Variants in CLDN16 observed in about 807,000 individuals in gnomAD.
CLDN16 encodes claudin 16.
CLDN16 carries 13 observed loss-of-function variants against 24.6 expected under a neutral mutation model. The observed-to-expected ratio is 0.53, with a 90% CI of 0.34 to 0.84. The LOEUF (loss-of-function observed/expected upper bound fraction) is 0.84, where lower values mean the gene tolerates loss of function less well. Among genes scored for constraint, CLDN16 ranks in the 40% least tolerant of loss-of-function variants. The pLI is 0.01. For synonymous variants in CLDN16, 116 were observed against 106.7 expected (o/e 1.09, Z -0.54); for missense variants, 298 against 292.7 (o/e 1.02, Z -0.13).
chr3:190,359,426 A>G (rs936784501), intron 1 of CLDN16, among the ~76,000 whole-genome samples: 2 of 152,064 alleles, frequency 1.3e-5, no homozygotes, highest in African/African-American at 2.4e-5. Context: ...ATTGAATTAA[A>G]TGAGTGGAAT....
At chr3:190,382,972 C>T (rs1432797522) in intron 3 of CLDN16, among the ~76,000 whole-genome samples, 1 of 152,036 alleles carries the variant, frequency 6.6e-6, no homozygotes, top group Non-Finnish European at 1.5e-5. Context: ...CACTAGACTT[C>T]CAGTGCAACA....
At chr3:190,335,219 T>G (rs1577399299) in intron 1 of CLDN16, among the ~76,000 whole-genome samples, 1 of 151,774 alleles carries the variant, frequency 6.6e-6, no homozygotes, top group South Asian at 2.1e-4. Context: ...AATTTTTGTA[T>G]TTTTAGTAGG....
At chr3:190,403,517 G>A (rs1719013447) in intron 2 of CLDN16, among the ~76,000 whole-genome samples, 1 of 152,122 alleles carries the variant, frequency 6.6e-6, no homozygotes. Flanking sequence ...TGTTATGAAA[G>A]CAAAGTGGTT....
intron 2 of CLDN16, among the ~76,000 whole-genome samples, chr3:190,403,711 C>T (rs181633873): frequency 8.0e-4 from 122 of 152,216 alleles, no homozygotes; most frequent in African/African-American, 2.8e-3. Context: ...AAGTTGGGTG[C>T]GTGGAACATT....
At chr3:190,358,392 T>C (rs1469224598) in intron 1 of CLDN16, among the ~76,000 whole-genome samples, 1 of 151,958 alleles carries the variant, frequency 6.6e-6, no homozygotes, top group Non-Finnish European at 1.5e-5. Context: ...TCAGCAGCTT[T>C]CAAGTACGAA....
chr3:190,380,257 T>TTCCTTCCTTC (rs1330460824), intron 3 of CLDN16, among the ~76,000 whole-genome samples: 90 of 14,548 alleles, frequency 6.2e-3, no homozygotes, highest in African/African-American at 9.1e-3. Context: ...TTCCTTCCTT[T>TTCCTTCCTTC]CTTCCTTCCT....
At chr3:190,368,729 C>A (rs113705770) in intron 1 of CLDN16, among the ~76,000 whole-genome samples, 1,619 of 152,028 alleles carry the variant, frequency 0.011, 16 homozygotes, top group Non-Finnish European at 0.018. Flanking sequence ...TCTGTCAGGA[C>A]AAGGAAAACC....
chr3:190,409,271 T>TATATGCATGTATATATGCACACAC lies in CLDN16; in HGVS notation c.575-632_575-631insATATGCATGTATATATGCACACAC, dbSNP rs1187387922. Among the ~76,000 whole-genome samples, 325 of 94,186 alleles carry TATATGCATGTATATATGCACACAC rather than the reference T, an allele frequency of 3.5e-3. 3 individuals are homozygous for TATATGCATGTATATATGCACACAC. The highest frequency in any genetic ancestry group is 8.8e-3 in the African/African-American group (257 of 29,236). 61.8% of individuals were successfully genotyped at this position (94,186 alleles called of 152,430 possible). On this transcript the variant is annotated intron_variant, in intron 4 of 4. Transcript: ENST00000264734. ...GTATATGCATGTATATATGCACACATGTATATGTATGTATATATGCACACA... is the reference window on the plus strand; with the variant it reads ...GTATATGCATGTATATATGCACACATATATGCATGTATATATGCACACACGTATATGTATGTATATATGCACACA...
intron 1 of CLDN16, among the ~76,000 whole-genome samples, chr3:190,394,785 C>G (rs1048458971): frequency 1.3e-5 from 2 of 152,030 alleles, no homozygotes; most frequent in Non-Finnish European, 2.9e-5. Context: ...AGAAGTATGT[C>G]TGTAATGAAA....
the CLDN16 span, among the ~76,000 whole-genome samples, chr3:190,294,861 A>G: frequency 6.6e-6 from 1 of 152,160 alleles, no homozygotes; most frequent in Non-Finnish European, 1.5e-5. Context: ...GTAAGAAAGT[A>G]ATAAATATGA....
intron 1 of CLDN16, among the ~76,000 whole-genome samples, chr3:190,359,440 G>A (rs1717842220): frequency 1.3e-5 from 2 of 152,024 alleles, no homozygotes; most frequent in Admixed American, 1.3e-4. Flanking sequence ...GTGGAATCCA[G>A]TGCAGCTTTA....
chr3:190,385,321 G>A (rs9871878), upstream of CLDN16, among the ~76,000 whole-genome samples: 28,271 of 152,098 alleles, frequency 0.19, 3,061 homozygotes, highest in Middle Eastern at 0.29. Flanking sequence ...TTTCTTAGAA[G>A]TGCACTCACA....
intron 1 of CLDN16, among the ~76,000 whole-genome samples, chr3:190,394,706 C>A (rs745589310): frequency 2.0e-5 from 3 of 152,016 alleles, no homozygotes; most frequent in Non-Finnish European, 4.4e-5. Context: ...ACTTAGCATA[C>A]CTGTTGAAAG....
At chr3:190,379,674 G>T (rs554784600) in intron 3 of CLDN16, among the ~76,000 whole-genome samples, 2 of 152,156 alleles carry the variant, frequency 1.3e-5, no homozygotes, top group South Asian at 4.2e-4. Context: ...GCAAAAGAAA[G>T]CATCCCTGCT....
upstream of CLDN16, chr3:190,388,068 C>T (rs1718549439): frequency 6.5e-7 from 1 of 1,549,354 alleles, no homozygotes; most frequent in African/African-American, 1.4e-5. Flanking sequence ...CCGAAACACA[C>T]TCAGCCCTTG....
intron 1 of CLDN16, among the ~76,000 whole-genome samples, chr3:190,399,369 T>C (rs1377163234): frequency 6.7e-6 from 1 of 150,276 alleles, no homozygotes; most frequent in Non-Finnish European, 1.5e-5. Flanking sequence ...AAAAGTAGCC[T>C]GGCGTGGTGG....
chr3:190,331,916 C>T lies in CLDN16; in HGVS notation n.121+9255C>T, dbSNP rs564527983. Among the ~76,000 whole-genome samples the T allele has an allele frequency of 2.2e-4, 34 of 152,314 alleles. No homozygotes were observed. The South Asian group carries it at 7.1e-3, about 32-fold the overall frequency. Reference sequence around the variant, plus strand: ...GTACATTCTAGAGGGATCTATATCCCTTGGCTCATGGCCATCTTCCTCCGT... The same window carrying T: ...GTACATTCTAGAGGGATCTATATCCTTTGGCTCATGGCCATCTTCCTCCGT... On this transcript the variant is annotated intron_variant and non_coding_transcript_variant, in intron 1 of 4. Transcript: ENST00000468220.
At chr3:190,343,070 G>A (rs973646593) in intron 1 of CLDN16, among the ~76,000 whole-genome samples, 7 of 152,064 alleles carry the variant, frequency 4.6e-5, no homozygotes, top group African/African-American at 1.7e-4. Context: ...TCAGAGAAAG[G>A]GTTAATATAA....
At chr3:190,322,390 G>T (rs1204986298), upstream of CLDN16, 6 of 634,290 alleles carry the variant, frequency 9.5e-6, no homozygotes, top group African/African-American at 1.1e-4. Context: ...CGCCCGGGGC[G>T]GCGCTGGAGT....
Sources: allele counts gnomAD v4.1 joint callset (sites outside exome capture counted in the v4.1 genomes callset), GRCh38; gene constraint gnomAD v4.1.1; transcripts MANE v1.5; gene names NCBI Gene and HGNC (gene_info 2026-07-23, HGNC 2026-07-21).